ANKS1B: variants seen among roughly 807,000 people sequenced by gnomAD.
The protein encoded by ANKS1B is ankyrin repeat and sterile alpha motif domain containing 1B, also known as ankyrin repeat and sterile alpha motif domain-containing protein 1B.
A neutral mutation model predicts 148.3 loss-of-function variants in ANKS1B; 36 were observed. The observed-to-expected ratio is 0.24, with a 90% CI of 0.19 to 0.32. The LOEUF is 0.32. ANKS1B is among the 10% of genes least tolerant of loss of function. The probability of loss-of-function intolerance (pLI) is 1.00; values close to 1 mark genes in which losing one functional copy is unlikely to be tolerated. For missense variants in ANKS1B, 1,157 were observed against 1,542.6 expected (o/e 0.75, Z 4.19); for synonymous variants, 542 against 560.8 (o/e 0.97, Z 0.47).
At chr12:98,903,196 G>A (rs987940090) in intron 17 of ANKS1B, among the ~76,000 whole-genome samples, 3 of 152,014 alleles carry the variant, frequency 2.0e-5, no homozygotes, top group African/African-American at 7.3e-5. Flanking sequence ...GATAAAATAT[G>A]GCTGATGGCC....
chr12:99,969,103 A>C (rs2095526424), intron 1 of ANKS1B, among the ~76,000 whole-genome samples: 1 of 152,218 alleles, frequency 6.6e-6, no homozygotes, highest in Non-Finnish European at 1.5e-5. Flanking sequence ...AAGTTATTAA[A>C]ATACCTTTGA....
At chr12:99,327,373 T>A (rs1010806547) in intron 12 of ANKS1B, among the ~76,000 whole-genome samples, 11 of 106,214 alleles carry the variant, frequency 1.0e-4, no homozygotes, top group East Asian at 4.7e-4. Flanking sequence ...AATTACATAT[T>A]ATATATAATT....
chr12:98,859,300 C>G (rs763973189), intron 17 of ANKS1B, among the ~76,000 whole-genome samples: 4 of 152,190 alleles, frequency 2.6e-5, no homozygotes, highest in Admixed American at 6.5e-5. Flanking sequence ...TGAAACTTCT[C>G]CCTGGTTTCT....
chr12:98,739,690 C>G (rs188682753), downstream of ANKS1B, among the ~76,000 whole-genome samples: 371 of 152,106 alleles, frequency 2.4e-3, 2 homozygotes, highest in Middle Eastern at 3.4e-3. Context: ...TGCAGCCCCT[C>G]AGAGCCTCAC....
chr12:98,818,139 C>T, intron 19 of ANKS1B, among the ~76,000 whole-genome samples: 1 of 108,208 alleles, frequency 9.2e-6, no homozygotes, highest in African/African-American at 3.3e-5. Flanking sequence ...CTCTCCAGTT[C>T]CCTCCCTCCC....
chr12:99,357,752 A>T (rs1044138732), intron 12 of ANKS1B, among the ~76,000 whole-genome samples: 4 of 152,126 alleles, frequency 2.6e-5, no homozygotes, highest in African/African-American at 9.7e-5. Flanking sequence ...TATAAATCAC[A>T]TTACTAGTTG....
intron 17 of ANKS1B, among the ~76,000 whole-genome samples, chr12:98,997,149 A>G (rs1277083438): frequency 6.6e-6 from 1 of 152,200 alleles, no homozygotes; most frequent in Non-Finnish European, 1.5e-5. Flanking sequence ...ACCCATCAGT[A>G]TACCAAAAGT....
chr12:99,319,487 T>G (rs1375152392), intron 12 of ANKS1B, among the ~76,000 whole-genome samples: 1 of 152,248 alleles, frequency 6.6e-6, no homozygotes, highest in Admixed American at 6.5e-5. Flanking sequence ...AGACTAGGAC[T>G]GCAACCCCTG....
At chr12:98,770,477 T>C (rs1014147838) in intron 25 of ANKS1B, among the ~76,000 whole-genome samples, 1 of 152,232 alleles carries the variant, frequency 6.6e-6, no homozygotes, top group African/African-American at 2.4e-5. Flanking sequence ...ATGGCTTTAA[T>C]CAACACTTTA....
chr12:99,668,252 C>CCA (rs1555536795), intron 8 of ANKS1B, among the ~76,000 whole-genome samples: 117 of 151,822 alleles, frequency 7.7e-4, no homozygotes, highest in Middle Eastern at 6.8e-3. Context: ...TCTAGGTTGT[C>CCA]AGTTATTGCT....
chr12:98,989,393 A>T (rs1169757302), intron 17 of ANKS1B, among the ~76,000 whole-genome samples: 6 of 152,130 alleles, frequency 3.9e-5, no homozygotes, highest in Admixed American at 3.9e-4. Context: ...CCTTCTTGGT[A>T]CCTTTGTGAA....
At chr12:99,731,413 CGTGTGT>C (rs71088145) in intron 8 of ANKS1B, among the ~76,000 whole-genome samples, 24,547 of 143,140 alleles carry the variant, frequency 0.17, 2,251 homozygotes, top group Non-Finnish European at 0.21. Flanking sequence ...ACCACCGTGC[CGTGTGT>C]GTGTGTGTGT....
intron 15 of ANKS1B, 155 bp from the exon 16 acceptor site, chr12:99,085,178 G>C (rs1324216309): frequency 3.1e-6 from 2 of 646,484 alleles, no homozygotes; most frequent in African/African-American, 1.8e-5. Context: ...GGCAGAGTCG[G>C]TCACCTTGTT....
intron 10 of ANKS1B, among the ~76,000 whole-genome samples, chr12:99,465,084 A>G (rs2096074212): frequency 6.6e-6 from 1 of 152,260 alleles, no homozygotes; most frequent in Admixed American, 6.5e-5. Flanking sequence ...TCAGACTAAC[A>G]GCTGAACTCT....
intron 8 of ANKS1B, among the ~76,000 whole-genome samples, chr12:99,752,521 G>T (rs766645771): frequency 6.6e-6 from 1 of 151,622 alleles, no homozygotes; most frequent in African/African-American, 2.4e-5. Context: ...GAAGAAAAAT[G>T]GATTAGCTTT....
chr12:99,167,590 C>A lies in ANKS1B; in HGVS notation c.2420-13195G>T, dbSNP rs530619872. ...ATGCGAATTAAGAGAAACTCTCATT[C>A]CCTGCTGGTGAGAATAGAAAATGTT... On this transcript the variant is annotated intron_variant, in intron 14 of 26. Transcript: ENST00000683438. 2.6e-5 allele frequency among the ~76,000 whole-genome samples: 4 copies of A among 152,176 alleles called. No individual in the cohort carries two copies. The East Asian group carries it at 7.7e-4, about 29-fold the overall frequency.
chr12:99,840,765 T>C (rs541935713), intron 1 of ANKS1B, among the ~76,000 whole-genome samples: 1 of 152,252 alleles, frequency 6.6e-6, no homozygotes, highest in East Asian at 1.9e-4. Flanking sequence ...ATAATAATCA[T>C]GTATCTCTTC....
intron 25 of ANKS1B, among the ~76,000 whole-genome samples, chr12:98,755,067 G>A (rs1219817809): frequency 1.3e-5 from 2 of 152,062 alleles, no homozygotes; most frequent in Non-Finnish European, 2.9e-5. Context: ...CATGGGCACC[G>A]AGACACACCT....
intron 12 of ANKS1B, among the ~76,000 whole-genome samples, chr12:99,258,161 T>C (rs2075502406): frequency 6.6e-6 from 1 of 152,214 alleles, no homozygotes; most frequent in African/African-American, 2.4e-5. Flanking sequence ...TTAAATGATT[T>C]GTACCCTACT....
Sources: gnomAD v4.1 joint callset for allele counts (sites outside exome capture counted in the v4.1 genomes callset) on GRCh38, gnomAD v4.1.1 for gene constraint, MANE v1.5 for transcripts, NCBI Gene and HGNC (gene_info 2026-07-23, HGNC 2026-07-21) for gene names.